The following HYDIN variants were observed in gnomAD, a reference collection of about 807,000 sequenced individuals.
The protein encoded by HYDIN is HYDIN axonemal central pair apparatus protein.
Under a neutral mutation model 403.9 loss-of-function variants are expected in HYDIN, and 132 were observed. The observed-to-expected ratio is 0.33, with a 90% CI of 0.28 to 0.38. The LOEUF (loss-of-function observed/expected upper bound fraction) is 0.38. Among genes scored for constraint, HYDIN ranks in the 10% least tolerant of loss-of-function variants. The probability of loss-of-function intolerance (pLI) is 1.00; values close to 1 mark genes in which losing one functional copy is unlikely to be tolerated. For synonymous variants in HYDIN, 1,202 were observed against 1,891.7 expected, an observed-to-expected ratio of 0.64 and a Z score of 9.46; for missense variants, 2,827 against 5,009.5, an observed-to-expected ratio of 0.56 and a Z score of 13.15.
intron 1 of HYDIN, among the ~76,000 whole-genome samples, chr16:71,229,127 A>C (rs1395698234): frequency 8.4e-6 from 1 of 119,360 alleles, no homozygotes; most frequent in Non-Finnish European, 1.6e-5. Flanking sequence ...GGACACAGGA[A>C]GGGGAACATC....
chr16:71,069,713 GCATT>G, intron 13 of HYDIN, among the ~76,000 whole-genome samples: 1 of 151,600 alleles, frequency 6.6e-6, no homozygotes, highest in East Asian at 1.9e-4. Context: ...TTTCATTTAT[GCATT>G]CACTCAATGA....
chr16:71,114,520 A>T (rs1472011195), intron 10 of HYDIN, among the ~76,000 whole-genome samples: 2 of 152,038 alleles, frequency 1.3e-5, no homozygotes, highest in Non-Finnish European at 2.9e-5. Flanking sequence ...AAAGAGTGGC[A>T]TTTAGAAACC....
Position 70,837,826 on chromosome 16 carries a change from T to G in HYDIN, c.13106A>C (p.Lys4369Thr). 6.2e-7 allele frequency: 1 copy of G among 1,614,022 alleles called. No homozygotes were observed. The highest frequency in any genetic ancestry group is 1.3e-5 in the African/African-American group (1 of 75,068). The change falls in exon 77 of 86, where the codon AAG becomes ACG. Residue 4369 changes from lysine to threonine, a missense_variant. Lys to Thr is a moderately conservative substitution (Grantham distance 78, BLOSUM62 -1). Coordinates refer to ENST00000393567, the MANE Select transcript of HYDIN (RefSeq NM_001270974.2). ...LEVNSRVDVV[K>T]PGNTLEIPIT... ...TGGAATCTCCAATGTGTTTCCTGGC[T>G]TTACCACATCAACACGGGAGTTCAC... is the stretch of plus-strand genomic sequence containing the variant.
Position 71,162,741 on chromosome 16 carries a change from A to G in HYDIN, c.517-11T>C. ...CGTATGGGCGTAATCCTACAAGGGA[A>G]GGGTATGATCATTATTTGTGGAAAA... is the stretch of plus-strand genomic sequence containing the variant. On this transcript the variant is annotated splice_polypyrimidine_tract_variant and intron_variant, in intron 5 of 85. Transcript: ENST00000393567. 1 of 620,180 alleles carries G rather than the reference A, an allele frequency of 1.6e-6. No individual in the cohort carries two copies. Among genetic ancestry groups the G allele is most frequent in the Middle Eastern group, 4.2e-4 (1 of 2,366 alleles). 38.4% of individuals were successfully genotyped at this position (620,180 alleles called of 1,614,324 possible). A position where few individuals can be genotyped will look rare whatever the true frequency, so the allele number is the denominator to read the frequency against.
intron 57 of HYDIN, among the ~76,000 whole-genome samples, chr16:70,890,250 T>C (rs1162569256): frequency 2.0e-5 from 3 of 152,248 alleles, no homozygotes; most frequent in Non-Finnish European, 4.4e-5. Context: ...CTGAAATGCA[T>C]CTTAAACTTT....
chr16:71,207,892 A>T lies in HYDIN; in HGVS notation c.-23-20974T>A, dbSNP rs141792069. On this transcript the variant is annotated intron_variant, in intron 1 of 85. Transcript: ENST00000393567. ...ACCTAACTACCCTAAATCTATATGC[A>T]GCCAAAACAGGTGCACCCAGATTCA... Among the ~76,000 whole-genome samples the T allele has an allele frequency of 1.9e-3, 288 of 152,346 alleles. 5 individuals carry two copies. Among genetic ancestry groups the T allele is most frequent in the African/African-American group, 6.6e-3 (274 of 41,582 alleles).
chr16:71,061,475 C>A (rs2082076765), intron 17 of HYDIN, among the ~76,000 whole-genome samples: 1 of 152,264 alleles, frequency 6.6e-6, no homozygotes, highest in Non-Finnish European at 1.5e-5. Flanking sequence ...TGTTGGGCAA[C>A]CTCCTGTAGG....
intron 41 of HYDIN, among the ~76,000 whole-genome samples, chr16:70,946,663 G>A (rs1391864568): frequency 1.3e-5 from 2 of 152,114 alleles, no homozygotes; most frequent in African/African-American, 4.8e-5. Flanking sequence ...TGGAGGTTTC[G>A]ATGGGGCCAG....
chr16:70,859,931 C>T, intron 71 of HYDIN, 137 bp downstream of exon 71: 1 of 648,134 alleles, frequency 1.5e-6, no homozygotes, highest in East Asian at 2.6e-5. Flanking sequence ...CAGCCATTCA[C>T]TAAATACTTG....
At chr16:71,229,792 G>A (rs1239430903) in intron 1 of HYDIN, among the ~76,000 whole-genome samples, 2 of 152,176 alleles carry the variant, frequency 1.3e-5, no homozygotes, top group African/African-American at 4.8e-5. Flanking sequence ...CTGAGCTAAT[G>A]GAATCATTCT....
At chr16:70,957,682 C>T (rs2143939711) in intron 39 of HYDIN, among the ~76,000 whole-genome samples, 1 of 140,164 alleles carries the variant, frequency 7.1e-6, no homozygotes, top group Non-Finnish European at 1.5e-5. Context: ...TTGTTTTTTC[C>T]ATTCAGCCAC....
In HYDIN at chr16:70,970,517, C is replaced by T. The variant is rs1189014381; in HGVS notation, c.5619+3G>A. ...AAAACAGTTTGGTTTGACCTCTGCTCACCTTTTCTTCTATGAGATACTGCT... is the reference window on the plus strand; with the variant it reads ...AAAACAGTTTGGTTTGACCTCTGCTTACCTTTTCTTCTATGAGATACTGCT... On this transcript the variant is annotated splice_donor_region_variant and intron_variant, in intron 36 of 85. Transcript: ENST00000393567. The T allele has an allele frequency of 3.8e-6, 6 of 1,596,142 alleles. No homozygotes were observed. In the East Asian group the frequency reaches 1.3e-4, roughly 36 times the overall value.
intron 4 of HYDIN, among the ~76,000 whole-genome samples, chr16:71,176,691 C>T (rs2086683219): frequency 6.6e-6 from 1 of 152,226 alleles, no homozygotes; most frequent in Non-Finnish European, 1.5e-5. Flanking sequence ...GAGCAGCTCC[C>T]AACAGCTCCA....
At chr16:70,886,244 T>G (rs1318875454) in intron 58 of HYDIN, among the ~76,000 whole-genome samples, 8 of 151,730 alleles carry the variant, frequency 5.3e-5, no homozygotes, top group African/African-American at 1.9e-4. Flanking sequence ...TACATGCACC[T>G]CAGTTATAGT....
At chr16:71,207,273 C>T (rs2088348467) in intron 1 of HYDIN, among the ~76,000 whole-genome samples, 1 of 152,168 alleles carries the variant, frequency 6.6e-6, no homozygotes, top group Admixed American at 6.5e-5. Flanking sequence ...GGTCTATATT[C>T]AACATTCTTA....
chr16:70,938,486 T>C lies in HYDIN; in HGVS notation c.6995+128A>G, dbSNP rs940288085. On this transcript the variant is annotated intron_variant, in intron 44 of 85. Transcript: ENST00000393567. Reference sequence around the variant, plus strand: ...ATCTTTCTGCTCCTTGCAGGTCACCTTCCAGGGCCTTCTGCAGCTCCTGCT... The same window carrying C: ...ATCTTTCTGCTCCTTGCAGGTCACCCTCCAGGGCCTTCTGCAGCTCCTGCT... 5.5e-6 allele frequency: 4 copies of C among 731,800 alleles called. No homozygotes were observed. The African/African-American group carries it at 7.0e-5, about 13-fold the overall frequency. 45.3% of individuals were successfully genotyped at this position (731,800 alleles called of 1,614,324 possible).
chr16:70,879,023 G>T (rs1181891011), intron 62 of HYDIN, among the ~76,000 whole-genome samples: 1 of 150,716 alleles, frequency 6.6e-6, no homozygotes, highest in Non-Finnish European at 1.5e-5. Context: ...AAGATATTAA[G>T]AACACCCATA....
intron 85 of HYDIN, among the ~76,000 whole-genome samples, chr16:70,809,498 C>T (rs550388357): frequency 8.5e-5 from 13 of 152,316 alleles, no homozygotes; most frequent in African/African-American, 2.9e-4. Context: ...TACTGTCTCC[C>T]TCTGTGGATC....
chr16:71,073,460 A>G (rs1282892833), intron 13 of HYDIN, among the ~76,000 whole-genome samples: 3 of 152,196 alleles, frequency 2.0e-5, no homozygotes, highest in South Asian at 4.1e-4. Flanking sequence ...GTCAACTTAG[A>G]TATTTCTCCT....
Sources: allele counts gnomAD v4.1 joint callset (sites outside exome capture counted in the v4.1 genomes callset), GRCh38; gene constraint gnomAD v4.1.1; transcripts MANE v1.5; gene names NCBI Gene and HGNC (gene_info 2026-07-23, HGNC 2026-07-21).